PKDCC: variants seen among roughly 807,000 people sequenced by gnomAD.
PKDCC encodes the protein protein kinase domain containing, cytoplasmic.
In PKDCC, 35 loss-of-function variants were observed where a neutral mutation model predicts 44.7. The ratio of observed to expected loss-of-function variants is 0.78; its 90% CI spans 0.60 to 1.04. The LOEUF (loss-of-function observed/expected upper bound fraction) is 1.04. PKDCC is among the 50% of genes least tolerant of loss of function. The probability of loss-of-function intolerance (pLI) is 0.00; values close to 1 mark genes in which losing one functional copy is unlikely to be tolerated. For synonymous variants in PKDCC, 353 were observed against 303.3 expected (o/e 1.16, Z -1.70); for missense variants, 738 against 672.7 (o/e 1.10, Z -1.07).
At chr2:42,050,787 G>A (rs1343497311) in intron 1 of PKDCC, among the ~76,000 whole-genome samples, 1 of 151,958 alleles carries the variant, frequency 6.6e-6, no homozygotes, top group Non-Finnish European at 1.5e-5. Flanking sequence ...AAAGTGGGGG[G>A]CCCTTTAGTG....
intron 5 of PKDCC, among the ~76,000 whole-genome samples, chr2:42,056,918 T>C (rs1668066515): frequency 6.6e-6 from 1 of 152,224 alleles, no homozygotes; most frequent in Non-Finnish European, 1.5e-5. Flanking sequence ...ACTCCATGTG[T>C]CCCTGTATAT....
chr2:42,048,680 G>A lies in PKDCC; in HGVS notation c.481G>A (p.Ala161Thr), dbSNP rs1667914910. ...AVYRVRLPGG[A>T]AVALKAVDFS... ...GTACCGGGTCCGCCTGCCCGGCGGT[G>A]CCGCGGTGGCGCTCAAGGCGGTGGA... Residue 161 changes from alanine to threonine, a missense_variant, in exon 1 of 7, where the codon GCC becomes ACC. Coordinates refer to ENST00000294964, the MANE Select transcript of PKDCC (RefSeq NM_138370.3). This position sits in a 1 kb window ranked among gnomAD's most constrained non-coding sequence, Gnocchi z 6.2. 5 of 1,548,268 alleles carry A rather than the reference G, an allele frequency of 3.2e-6. No individual in the cohort carries two copies. In the East Asian group the frequency reaches 1.2e-4, roughly 38 times the overall value.
In PKDCC at chr2:42,057,817, C is replaced by A; in HGVS notation, c.*129C>A. 1 of 739,416 alleles carries A rather than the reference C, an allele frequency of 1.4e-6. No individual in the cohort carries two copies. The highest frequency in any genetic ancestry group is 2.2e-6 in the Non-Finnish European group (1 of 447,460). The allele number at this position is 739,416 out of a possible 1,614,324, so 45.8% of individuals were successfully genotyped here. A position where few individuals can be genotyped will look rare whatever the true frequency, so the allele number is the denominator to read the frequency against. Reference sequence around the variant, plus strand: ...CTGCAGACAAAGCTAACATCCCAGACAGACAGATGTGACCAGGACAAACGT... The same window carrying A: ...CTGCAGACAAAGCTAACATCCCAGAAAGACAGATGTGACCAGGACAAACGT... On this transcript the variant is annotated 3_prime_UTR_variant, in exon 7 of 7. Transcript: ENST00000294964.
Position 42,051,939 on chromosome 2 carries a change from G to A in PKDCC, c.640-1300G>A, listed in dbSNP as rs988662206. Among the ~76,000 whole-genome samples, 2 of 152,094 alleles carry A rather than the reference G, an allele frequency of 1.3e-5. No individual in the cohort carries two copies. The highest frequency in any genetic ancestry group is 2.9e-5 in the Non-Finnish European group (2 of 68,008). ...CGCATAGCTCTCCTCTCCCTGAGTC[G>A]GGCCTGGACAACTCAGCCTTCGTGT... On this transcript the variant is annotated intron_variant, in intron 1 of 6. Coordinates refer to ENST00000294964, the MANE Select transcript of PKDCC (RefSeq NM_138370.3). This position sits in a 1 kb window ranked among gnomAD's most constrained non-coding sequence, Gnocchi z 4.2.
intron 5 of PKDCC, among the ~76,000 whole-genome samples, chr2:42,056,130 G>C (rs1558433256): frequency 6.6e-6 from 1 of 152,294 alleles, no homozygotes; most frequent in East Asian, 1.9e-4. Context: ...TGAGGATGCT[G>C]TTTATGGGGC....
chr2:42,057,356 G>A lies in PKDCC; in HGVS notation c.1358G>A (p.Cys453Tyr). The stretch of plus-strand genomic sequence containing the variant: ...GATGTCTGTGAGAGCCATGCCCAGT[G>A]TCGGGCCTTTGTGGTCACCAACCAG... ...AVDVCESHAQ[C>Y]RAFVVTNQTT... The change falls in exon 6 of 7, where the codon TGT (cysteine) becomes TAT (tyrosine). Residue 453 changes from cysteine to tyrosine, a missense_variant. Transcript: ENST00000294964. 1 of 1,614,228 alleles carries A rather than the reference G, an allele frequency of 6.2e-7. No homozygotes were observed. The highest frequency in any genetic ancestry group is 8.5e-7 in the Non-Finnish European group (1 of 1,180,042).
At position 42,051,106 on chromosome 2, in the gene PKDCC, G is replaced by GA. The variant is rs1667958897; in HGVS notation, c.640-2133_640-2132insA. Among the ~76,000 whole-genome samples the GA allele has an allele frequency of 6.6e-6, 1 of 152,088 alleles. No individual in the cohort carries two copies. Among genetic ancestry groups the GA allele is most frequent in the Admixed American group, 6.5e-5 (1 of 15,282 alleles). ...CTCCCTCTCTGAGCAGCCCAGAATT[G>GA]GTGCTGTGGATTCTAATAGAAAATG... On this transcript the variant is annotated intron_variant, in intron 1 of 6. Transcript: ENST00000294964. This position sits in a 1 kb window ranked among gnomAD's most constrained non-coding sequence, Gnocchi z 4.2.
rs1469664575 is a variant in PKDCC at position 42,055,824 on chromosome 2, G to A, written c.1222+431G>A. ...GTTCCTATGACACAGCTGGAACGCA[G>A]TATATGTTTGCTTCCCTTTCCTTCC... On this transcript the variant is annotated intron_variant, in intron 5 of 6. Coordinates refer to ENST00000294964, the MANE Select transcript of PKDCC (RefSeq NM_138370.3). This position sits in a 1 kb window ranked among gnomAD's most constrained non-coding sequence, Gnocchi z 4.5. Among the ~76,000 whole-genome samples, 2 of 152,234 alleles carry A rather than the reference G, an allele frequency of 1.3e-5. No individual in the cohort carries two copies. The highest frequency in any genetic ancestry group is 2.9e-5 in the Non-Finnish European group (2 of 68,036).
Position 42,055,483 on chromosome 2 carries a change from T to C in PKDCC, c.1222+90T>C, listed in dbSNP as rs964314813. 8.6e-7 allele frequency: 1 copy of C among 1,156,810 alleles called. No homozygotes were observed. Among genetic ancestry groups the C allele is most frequent in the Non-Finnish European group, 1.2e-6 (1 of 800,784 alleles). The allele number at this position is 1,156,810 out of a possible 1,614,324, so 71.7% of individuals were successfully genotyped here. ...CAATTAGGCTAAGTGGCTCACCCTT[T>C]CTCTGGGGACCCTTGTCTCCAAAGG... On this transcript the variant is annotated intron_variant, in intron 5 of 6. Transcript: ENST00000294964. This position sits in a 1 kb window ranked among gnomAD's most constrained non-coding sequence, Gnocchi z 4.5.
rs773847298 is a variant in PKDCC, at chr2:42,054,507, C to A, written c.1034+200C>A. The A allele has an allele frequency of 1.5e-5, 10 of 662,450 alleles. No individual in the cohort carries two copies. Among genetic ancestry groups the A allele is most frequent in the Admixed American group, 3.0e-5 (1 of 32,924 alleles). 41.0% of individuals were successfully genotyped at this position (662,450 alleles called of 1,614,324 possible). On this transcript the variant is annotated intron_variant, in intron 3 of 6. Coordinates refer to ENST00000294964, the MANE Select transcript of PKDCC (RefSeq NM_138370.3). This position sits in a 1 kb window ranked among gnomAD's most constrained non-coding sequence, Gnocchi z 6.1. ...AAAAATAGACAGCTCCAAGGAGAAT[C>A]CGGGTTAGGGGGTGGCAGCTGGAGG...
Position 42,055,410 on chromosome 2 carries a change from T to C in PKDCC, c.1222+17T>C, listed in dbSNP as rs1350836270. ...GCAGTACCGGTGAGTGGCCCCAAGCTGATCCACAGGGAAGCAAGAAACAGG... is the reference window on the plus strand; with the variant it reads ...GCAGTACCGGTGAGTGGCCCCAAGCCGATCCACAGGGAAGCAAGAAACAGG... On this transcript the variant is annotated intron_variant, in intron 5 of 6. Transcript: ENST00000294964. The surrounding 1 kb of genome is among the most constrained non-coding windows in gnomAD (Gnocchi z 4.5). 6.2e-7 allele frequency: 1 copy of C among 1,608,214 alleles called. No individual in the cohort carries two copies. Among genetic ancestry groups the C allele is most frequent in the Non-Finnish European group, 8.5e-7 (1 of 1,176,484 alleles).
In PKDCC at chr2:42,057,383, C is replaced by T. The variant is rs767275653; in HGVS notation, c.1385C>T (p.Thr462Ile). Residue 462 changes from threonine to isoleucine, a missense_variant, in exon 6 of 7, where the codon ACC (threonine) becomes ATC (isoleucine). Thr to Ile is a moderately conservative substitution (Grantham distance 89). Coordinates refer to ENST00000294964, the MANE Select transcript of PKDCC (RefSeq NM_138370.3). ...CGGGCCTTTGTGGTCACCAACCAGACCACCTGGACAGGTGAGCCAGTGGGA... is the reference window on the plus strand; with the variant it reads ...CGGGCCTTTGTGGTCACCAACCAGATCACCTGGACAGGTGAGCCAGTGGGA... ...QCRAFVVTNQ[T>I]TWTGRQLVFF... 2 of 1,614,152 alleles carry T rather than the reference C, an allele frequency of 1.2e-6. No homozygotes were observed. The highest frequency in any genetic ancestry group is 1.7e-6 in the Non-Finnish European group (2 of 1,180,034).
Position 42,051,600 on chromosome 2 carries a change from G to T in PKDCC, c.640-1639G>T. On this transcript the variant is annotated intron_variant, in intron 1 of 6. Transcript: ENST00000294964. The surrounding 1 kb of genome is among the most constrained non-coding windows in gnomAD (Gnocchi z 4.2). ...TAACCTTCAGAAGTTTCCCACAAAG[G>T]CTCAGACTCTGGGCAAGAAAATGAG... Among the ~76,000 whole-genome samples the T allele has an allele frequency of 6.6e-6, 1 of 152,062 alleles. No individual in the cohort carries two copies. Among genetic ancestry groups the T allele is most frequent in the African/African-American group, 2.4e-5 (1 of 41,398 alleles).
rs1437524758 is a variant in PKDCC at position 42,048,754 on chromosome 2, G to C, written c.555G>C (p.Arg185=). ...LGSCVREFGV[R]RGCYRLAAHK... is the part of the protein sequence containing the mutation. Reference sequence around the variant, plus strand: ...GCTGCGTGCGCGAGTTCGGGGTACGGAGGGGCTGCTATCGGCTGGCGGCCC... The same window carrying C: ...GCTGCGTGCGCGAGTTCGGGGTACGCAGGGGCTGCTATCGGCTGGCGGCCC... The change falls in exon 1 of 7, where the codon CGG becomes CGC. Residue 185 remains arginine, a synonymous_variant. Coordinates refer to ENST00000294964, the MANE Select transcript of PKDCC (RefSeq NM_138370.3). This position sits in a 1 kb window ranked among gnomAD's most constrained non-coding sequence, Gnocchi z 6.2. The C allele has an allele frequency of 6.3e-7, 1 of 1,582,982 alleles. No individual in the cohort carries two copies. The highest frequency in any genetic ancestry group is 1.3e-5 in the African/African-American group (1 of 74,332).
Position 42,054,699 on chromosome 2 carries a change from A to C in PKDCC, c.1035-242A>C. ...GATAATGTGGGGCTGGGAGGTGGGC[A>C]AGTCCTGGGAAGGGTTGGGAAGCAG... is the stretch of plus-strand genomic sequence containing the variant. On this transcript the variant is annotated intron_variant, in intron 3 of 6. Coordinates refer to ENST00000294964, the MANE Select transcript of PKDCC (RefSeq NM_138370.3). The surrounding 1 kb of genome is among the most constrained non-coding windows in gnomAD (Gnocchi z 6.1). 2 of 575,298 alleles carry C rather than the reference A, an allele frequency of 3.5e-6. No homozygotes were observed. The highest frequency in any genetic ancestry group is 6.2e-6 in the Non-Finnish European group (2 of 323,628). The allele number at this position is 575,298 out of a possible 1,614,324, so 35.6% of individuals were successfully genotyped here.
rs1668094321 is a variant in PKDCC, at chr2:42,058,360, AT to A, written c.*675del. 6.6e-6 allele frequency: 1 copy of A among 152,510 alleles called. No individual in the cohort carries two copies. The highest frequency in any genetic ancestry group is 1.5e-5 in the Non-Finnish European group (1 of 67,996). The allele number at this position is 152,510 out of a possible 1,614,324, so 9.4% of individuals were successfully genotyped here. A position where few individuals can be genotyped will look rare whatever the true frequency, so the allele number is the denominator to read the frequency against. On this transcript the variant is annotated 3_prime_UTR_variant, in exon 7 of 7. Transcript: ENST00000294964. The surrounding 1 kb of genome is among the most constrained non-coding windows in gnomAD (Gnocchi z 4.2). ...GGTGGGGCCGGGGCCTTTCTGCCTC[AT>A]TTGCTTTCAATGAAAGCCTCAAAGC... is the stretch of plus-strand genomic sequence containing the variant.
chr2:42,053,243 A>G lies in PKDCC; in HGVS notation c.644A>G (p.Tyr215Cys), dbSNP rs763936517. The G allele has an allele frequency of 6.3e-6, 10 of 1,596,054 alleles. No homozygotes were observed. The highest frequency in any genetic ancestry group is 1.4e-5 in the African/African-American group (1 of 70,284). Residue 215 changes from tyrosine to cysteine, a missense_variant, in exon 2 of 7, where the codon TAT (tyrosine) becomes TGT (cysteine). Physicochemically the swap from Tyr to Cys is radical, Grantham distance 194 (BLOSUM62 -2). Coordinates refer to ENST00000294964, the MANE Select transcript of PKDCC (RefSeq NM_138370.3). ...CCTGCCCTCGGCTTTCCCCAGCTCT[A>G]TGGCTACTGCTACCAGGACAGCGAG... ...RLRHPNVLQL[Y>C]GYCYQDSEDI...
At chr2:42,053,386 C>G (rs1205177768) in intron 2 of PKDCC, 25 bp downstream of exon 2, 1 of 1,592,576 alleles carries the variant, frequency 6.3e-7, no homozygotes, top group Non-Finnish European at 8.5e-7. Flanking sequence ...GGGCTCGGGC[C>G]CTGGGCTCCT....
rs1350485651 is a variant in PKDCC at position 42,051,182 on chromosome 2, G to A, written c.640-2057G>A. 6.6e-6 allele frequency among the ~76,000 whole-genome samples: 1 copy of A among 152,024 alleles called. No homozygotes were observed. Among genetic ancestry groups the A allele is most frequent in the Non-Finnish European group, 1.5e-5 (1 of 67,984 alleles). ...ACCTCCCAGGGCTTTCTCTGGTCAT[G>A]GGGATTGCCTGGGCGAGATCTTTCT... is the stretch of plus-strand genomic sequence containing the variant. On this transcript the variant is annotated intron_variant, in intron 1 of 6. Transcript: ENST00000294964. This position sits in a 1 kb window ranked among gnomAD's most constrained non-coding sequence, Gnocchi z 4.2.
Sources: allele counts gnomAD v4.1 joint callset (sites outside exome capture counted in the v4.1 genomes callset), GRCh38; gene constraint gnomAD v4.1.1; non-coding constraint Gnocchi (gnomAD v3.1); transcripts MANE v1.5; gene names NCBI Gene and HGNC (gene_info 2026-07-23, HGNC 2026-07-21).